Variants in KCNIP1 observed in about 807,000 individuals in gnomAD.
KCNIP1 encodes A-type potassium channel modulatory protein KCNIP1.
KCNIP1 carries 18 observed loss-of-function variants against 33.0 expected under a neutral mutation model. That is an observed-to-expected ratio of 0.55 (90% CI 0.38 to 0.81). KCNIP1 has a LOEUF of 0.81. Among genes scored for constraint, KCNIP1 ranks in the 30% least tolerant of loss-of-function variants. The probability of loss-of-function intolerance (pLI) is 0.00; values close to 1 mark genes in which losing one functional copy is unlikely to be tolerated. For missense variants in KCNIP1, 238 were observed against 271.6 expected, an observed-to-expected ratio of 0.88 and a Z score of 0.87; for synonymous variants, 93 against 98.3, an observed-to-expected ratio of 0.95 and a Z score of 0.32.
At chr5:170,714,801 C>A (rs947683248) in intron 1 of KCNIP1, among the ~76,000 whole-genome samples, 1 of 150,800 alleles carries the variant, frequency 6.6e-6, no homozygotes, top group Non-Finnish European at 1.5e-5. Flanking sequence ...TTAAGCTAAG[C>A]GTTATCACAA....
chr5:170,383,650 G>A (rs758481386), intron 1 of KCNIP1: 13 of 1,612,242 alleles, frequency 8.1e-6, no homozygotes, highest in Non-Finnish European at 1.1e-5. Context: ...GGGATAAAGG[G>A]ATGTGTCCCC....
chr5:170,526,053 G>A (rs1755553262), intron 1 of KCNIP1, among the ~76,000 whole-genome samples: 2 of 152,204 alleles, frequency 1.3e-5, no homozygotes, highest in South Asian at 2.1e-4. Flanking sequence ...CAGTCACTGA[G>A]CCTCACATCG....
chr5:170,690,787 C>T (rs893363524), intron 1 of KCNIP1, among the ~76,000 whole-genome samples: 1 of 152,206 alleles, frequency 6.6e-6, no homozygotes, highest in East Asian at 1.9e-4. Context: ...TGCAGAATTC[C>T]TTTAAAGACC....
At chr5:170,636,017 G>C (rs538865496) in intron 1 of KCNIP1, among the ~76,000 whole-genome samples, 2 of 152,366 alleles carry the variant, frequency 1.3e-5, no homozygotes, top group East Asian at 3.9e-4. Flanking sequence ...AGTTCTCCCA[G>C]ATGTGACTCC....
At chr5:170,459,161 G>T (rs1756453435) in intron 1 of KCNIP1, among the ~76,000 whole-genome samples, 1 of 152,114 alleles carries the variant, frequency 6.6e-6, no homozygotes, top group African/African-American at 2.4e-5. Flanking sequence ...AAATATATAT[G>T]CACCTAACAC....
chr5:170,369,839 G>T (rs560157117), intron 1 of KCNIP1, among the ~76,000 whole-genome samples: 1 of 152,172 alleles, frequency 6.6e-6, no homozygotes, highest in East Asian at 1.9e-4. Flanking sequence ...GGCCTACCTC[G>T]CACTGGAAGG....
intron 1 of KCNIP1, chr5:170,420,540 A>C (rs567781672): frequency 1.3e-5 from 2 of 151,880 alleles, no homozygotes; most frequent in Non-Finnish European, 2.9e-5. Context: ...ACTCAAAAAA[A>C]AAAAAAATAA....
intron 1 of KCNIP1, among the ~76,000 whole-genome samples, chr5:170,683,173 G>A (rs1327920546): frequency 1.3e-5 from 2 of 152,086 alleles, no homozygotes; most frequent in Admixed American, 1.3e-4. Flanking sequence ...GAAAAAGAAG[G>A]GAATTAACAT....
chr5:170,392,914 G>T (rs543929174), intron 1 of KCNIP1, among the ~76,000 whole-genome samples: 11 of 152,166 alleles, frequency 7.2e-5, no homozygotes, highest in African/African-American at 2.4e-4. Flanking sequence ...GATATGGGAG[G>T]GTATTTTTGT....
intron 1 of KCNIP1, among the ~76,000 whole-genome samples, chr5:170,580,552 T>G (rs1757752142): frequency 1.3e-5 from 2 of 152,166 alleles, no homozygotes; most frequent in African/African-American, 4.8e-5. Context: ...CATGCTGCAC[T>G]GAGCAGACCA....
At chr5:170,440,700 A>G (rs532173952) in intron 1 of KCNIP1, among the ~76,000 whole-genome samples, 1 of 152,332 alleles carries the variant, frequency 6.6e-6, no homozygotes, top group South Asian at 2.1e-4. Context: ...TCATGCCCCT[A>G]CCACAGATTC....
intron 1 of KCNIP1, among the ~76,000 whole-genome samples, chr5:170,471,252 G>A (rs1188389299): frequency 6.6e-6 from 1 of 152,138 alleles, no homozygotes; most frequent in Non-Finnish European, 1.5e-5. Flanking sequence ...TCTGTATGGG[G>A]TGGAAGTGTT....
At chr5:170,462,441 T>A (rs1384101923) in intron 1 of KCNIP1, among the ~76,000 whole-genome samples, 3 of 152,008 alleles carry the variant, frequency 2.0e-5, no homozygotes, top group Non-Finnish European at 4.4e-5. Context: ...ACCACCTCAC[T>A]CTTGCAAGGA....
At chr5:170,653,588 G>A (rs1761140459) in intron 1 of KCNIP1, among the ~76,000 whole-genome samples, 1 of 152,060 alleles carries the variant, frequency 6.6e-6, no homozygotes, top group Non-Finnish European at 1.5e-5. Context: ...CAAAAAGAGG[G>A]ACTTCTCAGA....
intron 1 of KCNIP1, among the ~76,000 whole-genome samples, chr5:170,718,314 TTGGCCCCAA>T (rs1763700928): frequency 6.6e-6 from 1 of 152,242 alleles, no homozygotes; most frequent in Non-Finnish European, 1.5e-5. Context: ...CCATTCCTAG[TTGGCCCCAA>T]TGGTGAGAGT....
At chr5:170,538,566 C>G (rs1449822351) in intron 1 of KCNIP1, among the ~76,000 whole-genome samples, 1 of 151,948 alleles carries the variant, frequency 6.6e-6, no homozygotes, top group African/African-American at 2.4e-5. Context: ...CCTCCTCCTT[C>G]TTCCCCACCT....
upstream of KCNIP1, among the ~76,000 whole-genome samples, chr5:170,503,007 C>G (rs962642378): frequency 6.6e-6 from 1 of 152,138 alleles, no homozygotes; most frequent in Non-Finnish European, 1.5e-5. Flanking sequence ...CCTTCAAGCA[C>G]TAACAACCCG....
intron 1 of KCNIP1, among the ~76,000 whole-genome samples, chr5:170,635,260 C>T (rs1435778244): frequency 6.6e-6 from 1 of 152,170 alleles, no homozygotes; most frequent in Non-Finnish European, 1.5e-5. Flanking sequence ...AAACACCTGA[C>T]CTCAAGTGAT....
At chr5:170,469,245 A>C (rs1756672491) in intron 1 of KCNIP1, among the ~76,000 whole-genome samples, 1 of 151,980 alleles carries the variant, frequency 6.6e-6, no homozygotes, top group African/African-American at 2.4e-5. Context: ...AACATGTAAA[A>C]TTAGCTGAGC....
Sources: gnomAD v4.1 joint callset for allele counts (sites outside exome capture counted in the v4.1 genomes callset) on GRCh38, gnomAD v4.1.1 for gene constraint, MANE v1.5 for transcripts, NCBI Gene and HGNC (gene_info 2026-07-23, HGNC 2026-07-21) for gene names.